The following UACA variants were observed in gnomAD, a reference collection of about 807,000 sequenced individuals.
UACA encodes nuclear membrane binding protein.
Under a neutral mutation model 160.5 loss-of-function variants are expected in UACA, and 112 were observed. The ratio of observed to expected loss-of-function variants is 0.70; its 90% CI spans 0.60 to 0.82. The LOEUF is 0.82. UACA is among the 40% of genes least tolerant of loss of function. The probability of loss-of-function intolerance (pLI) is 0.00; values close to 1 mark genes in which losing one functional copy is unlikely to be tolerated. For synonymous variants in UACA, 557 were observed against 568.4 expected, an observed-to-expected ratio of 0.98 and a Z score of 0.29; for missense variants, 1,574 against 1,614.6, an observed-to-expected ratio of 0.97 and a Z score of 0.43.
In UACA at chr15:70,717,772, A is replaced by C. The variant is rs74021846; in HGVS notation, c.79-18112T>G. On this transcript the variant is annotated intron_variant, in intron 1 of 18. Transcript: ENST00000322954. Reference sequence around the variant, plus strand: ...GGTGCCCAGCTGTTTGGACAGATACAAGCACAGATGTAACTGTGAAGGTAT... The same window carrying C: ...GGTGCCCAGCTGTTTGGACAGATACCAGCACAGATGTAACTGTGAAGGTAT... Among the ~76,000 whole-genome samples, 438 of 152,304 alleles carry C rather than the reference A, an allele frequency of 2.9e-3. 4 individuals carry two copies. The highest frequency in any genetic ancestry group is 0.01 in the African/African-American group (428 of 41,564).
chr15:70,691,951 A>T (rs1032770846), intron 3 of UACA, among the ~76,000 whole-genome samples: 4 of 152,208 alleles, frequency 2.6e-5, no homozygotes, highest in Non-Finnish European at 5.9e-5. Context: ...CAAAGGGGGT[A>T]GGGAGGAGAG....
In UACA at chr15:70,712,051, CATAT is replaced by C. The variant is rs57543862; in HGVS notation, c.79-12395_79-12392del. The stretch of plus-strand genomic sequence containing the variant: ...AACCCAGGCTCCTCTAAGCTCCAGG[CATAT>C]ATATATATATATCTCCATATACCTT... On this transcript the variant is annotated intron_variant, in intron 1 of 18. Transcript: ENST00000322954. Among the ~76,000 whole-genome samples the C allele has an allele frequency of 1.7e-4, 22 of 131,984 alleles. 1 individual carries two copies. In the South Asian group the frequency reaches 5.0e-3, roughly 30 times the overall value. 86.6% of individuals were successfully genotyped at this position (131,984 alleles called of 152,430 possible).
intron 1 of UACA, among the ~76,000 whole-genome samples, chr15:70,740,176 TAAGA>T (rs144783711): frequency 0.64 from 97,665 of 151,620 alleles, 34,437 homozygotes; most frequent in Admixed American, 0.79. Flanking sequence ...TTTAAATACA[TAAGA>T]AATACTGTGA....
At chr15:70,729,708 G>A (rs1481089424) in intron 1 of UACA, among the ~76,000 whole-genome samples, 2 of 142,848 alleles carry the variant, frequency 1.4e-5, no homozygotes, top group African/African-American at 5.8e-5. Context: ...AGCTCCCAGC[G>A]TGAGCGACGC....
At chr15:70,769,144 G>C in the UACA span, among the ~76,000 whole-genome samples, 1 of 151,882 alleles carries the variant, frequency 6.6e-6, no homozygotes, top group African/African-American at 2.4e-5. Context: ...AGGTCACGAA[G>C]TCAGGAGATC....
chr15:70,713,440 G>C (rs534960786), intron 1 of UACA, among the ~76,000 whole-genome samples: 1 of 152,168 alleles, frequency 6.6e-6, no homozygotes, highest in Admixed American at 6.5e-5. Flanking sequence ...GGTGATAGCC[G>C]AGTGACAAGG....
chr15:70,767,519 C>G (rs1208971826), upstream of UACA, among the ~76,000 whole-genome samples: 8 of 149,838 alleles, frequency 5.3e-5, no homozygotes, highest in African/African-American at 2.0e-4. Flanking sequence ...ACCCAGGAGG[C>G]AGAGGTTGCA....
chr15:70,660,310 T>G (rs1896661687), intron 17 of UACA, 94 bp from the exon 18 acceptor site: 1 of 1,056,834 alleles, frequency 9.5e-7, no homozygotes, highest in Admixed American at 2.0e-5. Flanking sequence ...AAACTATTAT[T>G]ATTATTAAGG....
At chr15:70,713,267 G>A (rs1310724213) in intron 1 of UACA, among the ~76,000 whole-genome samples, 1 of 152,156 alleles carries the variant, frequency 6.6e-6, no homozygotes, top group Non-Finnish European at 1.5e-5. Flanking sequence ...AGAATGGCGC[G>A]AACCCAGGAG....
intron 1 of UACA, among the ~76,000 whole-genome samples, chr15:70,720,033 G>T (rs1246891044): frequency 1.3e-5 from 2 of 152,180 alleles, no homozygotes; most frequent in Non-Finnish European, 2.9e-5. Context: ...AGCCTGGTGA[G>T]AGGTGACTGG....
chr15:70,674,393 A>G (rs1356112858), intron 13 of UACA, among the ~76,000 whole-genome samples: 1 of 152,236 alleles, frequency 6.6e-6, no homozygotes, highest in Non-Finnish European at 1.5e-5. Context: ...CAAATTATGT[A>G]CAAATGTCTG....
intron 17 of UACA, among the ~76,000 whole-genome samples, chr15:70,663,825 C>T (rs1306362916): frequency 7.5e-6 from 1 of 133,338 alleles, no homozygotes; most frequent in African/African-American, 2.9e-5. Flanking sequence ...ACAGTGAGAA[C>T]ACATGGACAC....
At chr15:70,765,277 T>C (rs1434315522), upstream of UACA, among the ~76,000 whole-genome samples, 4 of 152,216 alleles carry the variant, frequency 2.6e-5, no homozygotes, top group African/African-American at 4.8e-5. Flanking sequence ...CGGGGGCTTC[T>C]GGAATACTGT....
At chr15:70,778,750 C>T in the UACA span, 1 of 152,228 alleles carries the variant, frequency 6.6e-6, no homozygotes, top group Non-Finnish European at 1.5e-5. Context: ...TGGCGACTCA[C>T]ACATAAATAA....
intron 1 of UACA, among the ~76,000 whole-genome samples, chr15:70,710,732 C>G (rs1334922854): frequency 6.6e-6 from 1 of 152,176 alleles, no homozygotes; most frequent in South Asian, 2.1e-4. Flanking sequence ...GCTTGCAGAT[C>G]GAAGCGATGC....
In UACA at chr15:70,712,051, C is replaced by CATATATATATATATATATATATAT. The variant is rs57543862; in HGVS notation, c.79-12392_79-12391insATATATATATATATATATATATAT. The stretch of plus-strand genomic sequence containing the variant: ...AACCCAGGCTCCTCTAAGCTCCAGG[C>CATATATATATATATATATATATAT]ATATATATATATATATCTCCATATA... On this transcript the variant is annotated intron_variant, in intron 1 of 18. Transcript: ENST00000322954. Among the ~76,000 whole-genome samples the CATATATATATATATATATATATAT allele has an allele frequency of 2.8e-3, 371 of 131,898 alleles. 9 individuals are homozygous for CATATATATATATATATATATATAT. The highest frequency in any genetic ancestry group is 4.6e-3 in the Non-Finnish European group (284 of 61,804). The allele number at this position is 131,898 out of a possible 152,430, so 86.5% of individuals were successfully genotyped here.
chr15:70,690,130 C>G (rs1029798088), intron 5 of UACA, among the ~76,000 whole-genome samples: 1 of 151,990 alleles, frequency 6.6e-6, no homozygotes, highest in Non-Finnish European at 1.5e-5. Context: ...AACACACACA[C>G]GCACACACAT....
chr15:70,743,578 T>C (rs1385127597), intron 1 of UACA, among the ~76,000 whole-genome samples: 1 of 152,130 alleles, frequency 6.6e-6, no homozygotes, highest in Non-Finnish European at 1.5e-5. Context: ...TGTAAAGCTA[T>C]TTTTTTAATT....
chr15:70,687,584 C>G lies in UACA; in HGVS notation c.558G>C (p.Leu186=). 1 of 1,613,912 alleles carries G rather than the reference C, an allele frequency of 6.2e-7. No homozygotes were observed. The highest frequency in any genetic ancestry group is 8.5e-7 in the Non-Finnish European group (1 of 1,179,840). Residue 186 remains leucine (L), a synonymous_variant, in exon 7 of 19, where the codon CTG becomes CTC. Transcript: ENST00000322954. ...AATTAACATCCGCTCCTCTATCTAT[C>G]AGCAGTTGACATATTGTTGGCCTAC... ...QMSRPTICQL[L]IDRGADVNSR... is the part of the protein sequence containing the mutation.
Sources: allele counts gnomAD v4.1 joint callset (sites outside exome capture counted in the v4.1 genomes callset), GRCh38; gene constraint gnomAD v4.1.1; transcripts MANE v1.5; gene names NCBI Gene and HGNC (gene_info 2026-07-23, HGNC 2026-07-21).